Variants in DLG2 observed in about 807,000 individuals in gnomAD.
DLG2 encodes discs large MAGUK scaffold protein 2.
Under a neutral mutation model 132.5 loss-of-function variants are expected in DLG2, and 45 were observed. That is an observed-to-expected ratio of 0.34 (90% CI 0.27 to 0.44). The LOEUF is 0.44. DLG2 is among the 20% of genes least tolerant of loss of function. The probability of loss-of-function intolerance (pLI) is 1.00; values close to 1 mark genes in which losing one functional copy is unlikely to be tolerated. For missense variants in DLG2, 1,045 were observed against 1,196.9 expected, an observed-to-expected ratio of 0.87 and a Z score of 1.87; for synonymous variants, 424 against 419.6, an observed-to-expected ratio of 1.01 and a Z score of -0.13.
intron 6 of DLG2, among the ~76,000 whole-genome samples, chr11:84,652,552 A>AT (rs1215578669): frequency 1.3e-5 from 2 of 152,132 alleles, no homozygotes; most frequent in Non-Finnish European, 2.9e-5. Flanking sequence ...GTAAGGAAAG[A>AT]TTTTTTTCAA....
intron 18 of DLG2, among the ~76,000 whole-genome samples, chr11:83,772,750 T>C (rs1433269214): frequency 2.0e-5 from 3 of 152,176 alleles, no homozygotes; most frequent in Non-Finnish European, 4.4e-5. Context: ...CCCAGGCCAT[T>C]ACACATTCTC....
intron 3 of DLG2, among the ~76,000 whole-genome samples, chr11:85,504,887 T>C (rs188210910): frequency 8.9e-4 from 136 of 152,362 alleles, no homozygotes; most frequent in African/African-American, 3.1e-3. Flanking sequence ...TTTTATTTCA[T>C]TGAGCAGTGC....
chr11:83,904,551 G>A (rs1452138166), intron 15 of DLG2, among the ~76,000 whole-genome samples: 1 of 152,116 alleles, frequency 6.6e-6, no homozygotes, highest in Non-Finnish European at 1.5e-5. Context: ...CATGTTGCTA[G>A]CAGAAGCACT....
intron 6 of DLG2, among the ~76,000 whole-genome samples, chr11:84,704,370 T>C (rs1054129688): frequency 6.6e-6 from 1 of 151,598 alleles, no homozygotes; most frequent in African/African-American, 2.4e-5. Flanking sequence ...TTTCAGAGTT[T>C]GGCAGACTTG....
At chr11:84,726,202 G>C (rs2062431571) in intron 6 of DLG2, among the ~76,000 whole-genome samples, 1 of 152,066 alleles carries the variant, frequency 6.6e-6, no homozygotes. Flanking sequence ...TGGCATGGTG[G>C]TTTGCTGCAA....
chr11:84,298,448 C>T (rs763335370), intron 7 of DLG2, among the ~76,000 whole-genome samples: 2 of 152,116 alleles, frequency 1.3e-5, no homozygotes, highest in Non-Finnish European at 2.9e-5. Context: ...AAGCCCCTTG[C>T]GACCCCGCCT....
intron 6 of DLG2, among the ~76,000 whole-genome samples, chr11:84,549,754 TTTTG>T (rs941284479): frequency 1.2e-4 from 19 of 152,058 alleles, no homozygotes; most frequent in African/African-American, 4.1e-4. Context: ...ATTTCTCTTT[TTTTG>T]TTTGTTTGTT....
intron 11 of DLG2, among the ~76,000 whole-genome samples, chr11:84,044,685 A>G (rs1324331194): frequency 6.6e-6 from 1 of 151,652 alleles, no homozygotes; most frequent in East Asian, 1.9e-4. Context: ...GCTAGAGAAC[A>G]TTTATTTCCA....
At chr11:84,362,779 G>A (rs1296281596) in intron 7 of DLG2, among the ~76,000 whole-genome samples, 37 of 152,062 alleles carry the variant, frequency 2.4e-4, no homozygotes, top group Non-Finnish European at 5.0e-4. Context: ...TTGTTCTTGC[G>A]ATAGTTTACT....
chr11:84,242,527 T>G (rs2097244645), intron 8 of DLG2, among the ~76,000 whole-genome samples: 1 of 151,928 alleles, frequency 6.6e-6, no homozygotes, highest in Non-Finnish European at 1.5e-5. Context: ...TGCCTCAGCC[T>G]CCCAAGTAGC....
intron 6 of DLG2, among the ~76,000 whole-genome samples, chr11:84,552,351 A>G (rs1403336324): frequency 6.6e-6 from 1 of 152,052 alleles, no homozygotes; most frequent in Non-Finnish European, 1.5e-5. Context: ...CATTCCCCAA[A>G]ATCTAGAATT....
chr11:85,344,699 G>A (rs1321158736), intron 3 of DLG2, among the ~76,000 whole-genome samples: 1 of 151,900 alleles, frequency 6.6e-6, no homozygotes, highest in Non-Finnish European at 1.5e-5. Flanking sequence ...TGCCTTCCAG[G>A]TGTTCCATTA....
intron 6 of DLG2, among the ~76,000 whole-genome samples, chr11:84,888,342 G>A (rs1161080753): frequency 1.3e-5 from 2 of 152,084 alleles, no homozygotes; most frequent in Admixed American, 1.3e-4. Context: ...GTGAATTTTT[G>A]CTCTCCCTTC....
chr11:84,571,698 C>G (rs556207783), intron 6 of DLG2, among the ~76,000 whole-genome samples: 10 of 152,166 alleles, frequency 6.6e-5, no homozygotes, highest in Admixed American at 5.9e-4. Flanking sequence ...TTGCCAAATT[C>G]TAGTTATAGT....
chr11:85,255,584 C>G (rs1314944108), intron 4 of DLG2, among the ~76,000 whole-genome samples: 3 of 152,210 alleles, frequency 2.0e-5, no homozygotes, highest in African/African-American at 7.2e-5. Flanking sequence ...TTTCACTATT[C>G]TATGCCCCTG....
intron 3 of DLG2, among the ~76,000 whole-genome samples, chr11:85,343,009 C>G (rs990940357): frequency 6.6e-6 from 1 of 151,870 alleles, no homozygotes; most frequent in Admixed American, 6.6e-5. Context: ...TTCTCCCTAA[C>G]TTTAATGCTG....
chr11:83,700,435 A>C (rs571982327), intron 18 of DLG2, among the ~76,000 whole-genome samples: 1 of 152,290 alleles, frequency 6.6e-6, no homozygotes, highest in South Asian at 2.1e-4. Context: ...TATTCCCAGA[A>C]ATTTGAGAGA....
At chr11:85,431,709 T>C (rs1372447150) in intron 3 of DLG2, among the ~76,000 whole-genome samples, 2 of 152,208 alleles carry the variant, frequency 1.3e-5, no homozygotes, top group African/African-American at 2.4e-5. Context: ...ACAGTCTCCA[T>C]GAACCAGCAG....
At chr11:84,622,292 C>G (rs2099615363) in intron 6 of DLG2, among the ~76,000 whole-genome samples, 1 of 152,128 alleles carries the variant, frequency 6.6e-6, no homozygotes, top group Non-Finnish European at 1.5e-5. Flanking sequence ...TGGTATACTT[C>G]CAGTTCACCA....
Sources: gnomAD v4.1 joint callset for allele counts (sites outside exome capture counted in the v4.1 genomes callset) on GRCh38, gnomAD v4.1.1 for gene constraint, MANE v1.5 for transcripts, NCBI Gene and HGNC (gene_info 2026-07-23, HGNC 2026-07-21) for gene names.